DHX35: variants seen among roughly 807,000 people sequenced by gnomAD.
The protein encoded by DHX35 is probable ATP-dependent RNA helicase DHX35.
DHX35 carries 84 observed loss-of-function variants against 99.6 expected under a neutral mutation model. The ratio of observed to expected loss-of-function variants is 0.84; its 90% confidence interval spans 0.71 to 1.01. The LOEUF is 1.01. Ranked by LOEUF, DHX35 falls within the 50% of genes least tolerant of loss-of-function variation. DHX35 has a pLI of 0.00. For synonymous variants in DHX35, 331 were observed against 316.2 expected (o/e 1.05, Z -0.50); for missense variants, 852 against 888.5 (o/e 0.96, Z 0.52).
At chr20:39,034,590 A>AT (rs58827630) in intron 21 of DHX35, among the ~76,000 whole-genome samples, 3,874 of 136,384 alleles carry the variant, frequency 0.028, 69 homozygotes, top group African/African-American at 0.04. Flanking sequence ...CTTCCAAACT[A>AT]TTTTTTTTTT....
chr20:39,017,194 T>C (rs977737757), intron 14 of DHX35, among the ~76,000 whole-genome samples: 5 of 152,178 alleles, frequency 3.3e-5, no homozygotes, highest in Non-Finnish European at 7.4e-5. Context: ...TTAAGTTACT[T>C]TTTTGGTATG....
intron 11 of DHX35, among the ~76,000 whole-genome samples, chr20:39,005,279 A>G (rs565946227): frequency 2.6e-5 from 4 of 152,226 alleles, no homozygotes; most frequent in Admixed American, 6.5e-5. Context: ...CAAATACCTC[A>G]TGGTGGCCCA....
At chr20:39,018,388 G>A (rs761063313) in intron 14 of DHX35, among the ~76,000 whole-genome samples, 6 of 151,984 alleles carry the variant, frequency 3.9e-5, no homozygotes, top group South Asian at 2.1e-4. Flanking sequence ...CAGCAGAGCC[G>A]AGTGCTGCTG....
intron 17 of DHX35, among the ~76,000 whole-genome samples, chr20:39,024,324 G>A (rs1001078322): frequency 2.6e-5 from 4 of 152,060 alleles, no homozygotes; most frequent in Non-Finnish European, 4.4e-5. Flanking sequence ...TGTTAATAAA[G>A]GTGATGAAAA....
At chr20:39,003,666 A>G in intron 10 of DHX35, 83 bp from the exon 11 acceptor site, 1 of 1,507,052 alleles carries the variant, frequency 6.6e-7, no homozygotes, top group Non-Finnish European at 9.0e-7. Context: ...TCCAGATCCC[A>G]ACTTTTATTT....
At position 39,025,336 on chromosome 20, in the gene DHX35, A is replaced by C. The variant is rs1425639546; in HGVS notation, c.1778A>C (p.Gln593Pro). The C allele has an allele frequency of 1.2e-6, 2 of 1,613,690 alleles. No homozygotes were observed. The highest frequency in any genetic ancestry group is 1.7e-6 in the Non-Finnish European group (2 of 1,179,756). The stretch of plus-strand genomic sequence containing the variant: ...TTGAAAAAGCTTCTTGTCAAGTTTC[A>C]AGTGCCCAGGAAGTCTAGTGAAGGT... ...EQLKKLLVKF[Q>P]VPRKSSEGDP... Residue 593 changes from glutamine to proline, a missense_variant, in exon 18 of 22, where the codon CAA becomes CCA. Transcript: ENST00000252011.
At position 38,962,408 on chromosome 20, in the gene DHX35, G is replaced by A. The variant is rs1256473649; in HGVS notation, c.40+1G>A. On this transcript the variant is annotated splice_donor_variant, in intron 1 of 21. Coordinates refer to ENST00000252011, the MANE Select transcript of DHX35 (RefSeq NM_021931.4). LOFTEE classifies it high-confidence loss of function. The stretch of plus-strand genomic sequence containing the variant: ...GGACCGGTGAAGTTCTGGCGACCCG[G>A]TAAGGCCCTTGGTGGAACGCTGGGC... 6.2e-7 allele frequency: 1 copy of A among 1,612,672 alleles called. No individual in the cohort carries two copies. Among genetic ancestry groups the A allele is most frequent in the Non-Finnish European group, 8.5e-7 (1 of 1,179,266 alleles).
chr20:38,973,192 C>T (rs2086028325), intron 3 of DHX35, among the ~76,000 whole-genome samples: 1 of 152,162 alleles, frequency 6.6e-6, no homozygotes, highest in South Asian at 2.1e-4. Flanking sequence ...GTTAGAAATA[C>T]TGGGGTGGAG....
chr20:39,037,453 G>T (rs576800847), intron 21 of DHX35, among the ~76,000 whole-genome samples: 1 of 152,260 alleles, frequency 6.6e-6, no homozygotes, highest in African/African-American at 2.4e-5. Context: ...TTATACCCGG[G>T]TCCTGTTCGC....
chr20:39,019,839 A>C (rs1182770656), intron 15 of DHX35, among the ~76,000 whole-genome samples: 1 of 152,246 alleles, frequency 6.6e-6, no homozygotes, highest in Non-Finnish European at 1.5e-5. Flanking sequence ...AGTCTAACTG[A>C]AACTTTGTAC....
At chr20:39,026,378 A>G (rs1338973416) in intron 18 of DHX35, among the ~76,000 whole-genome samples, 1 of 152,246 alleles carries the variant, frequency 6.6e-6, no homozygotes, top group East Asian at 1.9e-4. Flanking sequence ...TTTTGTCTTT[A>G]TACTAAGAGC....
intron 1 of DHX35, among the ~76,000 whole-genome samples, chr20:38,964,512 C>T (rs2085882287): frequency 6.6e-6 from 1 of 152,008 alleles, no homozygotes; most frequent in Admixed American, 6.6e-5. Flanking sequence ...CTCACTGGAA[C>T]TTCCACCTCC....
At chr20:38,986,134 T>C (rs2086245764) in intron 4 of DHX35, among the ~76,000 whole-genome samples, 1 of 151,970 alleles carries the variant, frequency 6.6e-6, no homozygotes, top group Non-Finnish European at 1.5e-5. Flanking sequence ...TTTAATGAGA[T>C]ACAAATTTGT....
intron 13 of DHX35, among the ~76,000 whole-genome samples, chr20:39,011,431 G>A (rs1227206685): frequency 6.6e-6 from 1 of 152,110 alleles, no homozygotes; most frequent in Non-Finnish European, 1.5e-5. Context: ...TGCCTCCCAG[G>A]CTCAAGTGAT....
At chr20:38,988,499 G>A (rs575096256) in intron 4 of DHX35, among the ~76,000 whole-genome samples, 43 of 152,180 alleles carry the variant, frequency 2.8e-4, no homozygotes, top group Non-Finnish European at 5.3e-4. Context: ...GCCTGGTGGC[G>A]CTTGCCTGTA....
At chr20:38,968,965 T>G in intron 1 of DHX35, 116 bp from the exon 2 acceptor site, 2 of 1,228,500 alleles carry the variant, frequency 1.6e-6, no homozygotes, top group Non-Finnish European at 2.2e-6. Flanking sequence ...TTTGAGTAGT[T>G]TGAGATAAAA....
chr20:38,990,409 G>T (rs1335030886), intron 5 of DHX35, among the ~76,000 whole-genome samples: 1 of 152,164 alleles, frequency 6.6e-6, no homozygotes, highest in Non-Finnish European at 1.5e-5. Flanking sequence ...TGTGTCTGAA[G>T]CATTTTATAA....
intron 11 of DHX35, 86 bp from the exon 12 acceptor site, chr20:39,006,060 A>G: frequency 3.4e-6 from 5 of 1,453,520 alleles, no homozygotes; most frequent in Non-Finnish European, 4.8e-6. Flanking sequence ...AATGTTGGAA[A>G]TGTTAAATCT....
At chr20:39,036,382 C>T (rs1180756731) in intron 21 of DHX35, among the ~76,000 whole-genome samples, 2 of 152,154 alleles carry the variant, frequency 1.3e-5, no homozygotes, top group Non-Finnish European at 2.9e-5. Flanking sequence ...AGCTCATCAC[C>T]TCCACTGTCA....
Sources: allele counts gnomAD v4.1 joint callset (sites outside exome capture counted in the v4.1 genomes callset), GRCh38; gene constraint gnomAD v4.1.1; transcripts MANE v1.5; gene names NCBI Gene and HGNC (gene_info 2026-07-23, HGNC 2026-07-21).